HEXB: variants seen among roughly 807,000 people sequenced by gnomAD.
HEXB encodes the protein beta-hexosaminidase subunit beta.
A neutral mutation model predicts 71.2 loss-of-function variants in HEXB; 51 were observed. The observed-to-expected ratio is 0.72, with a 90% CI of 0.57 to 0.90. The LOEUF (loss-of-function observed/expected upper bound fraction) is 0.90, where lower values mean the gene tolerates loss of function less well. Ranked by LOEUF, HEXB falls within the 40% of genes least tolerant of loss-of-function variation. The pLI is 0.00. For missense variants in HEXB, 617 were observed against 677.0 expected (o/e 0.91, Z 0.98); for synonymous variants, 266 against 249.3 (o/e 1.07, Z -0.63).
Position 74,693,679 on chromosome 5 carries a change from C to A in HEXB, c.486C>A (p.Ala162=), listed in dbSNP as rs1342668095. 5.6e-6 allele frequency: 9 copies of A among 1,612,964 alleles called. No individual in the cohort carries two copies. The highest frequency in any genetic ancestry group is 3.3e-4 in the Middle Eastern group (2 of 6,084). Residue 162 remains alanine, a synonymous_variant, in exon 3 of 14, where the codon GCC becomes GCA. Coordinates refer to ENST00000261416, the MANE Select transcript of HEXB (RefSeq NM_000521.4). The stretch of plus-strand genomic sequence containing the variant: ...AAGAACCAGTGGCTGTCCTTAAGGC[C>A]AACAGAGTTTGGGGAGCATTACGAG... ...LVKEPVAVLK[A]NRVWGALRGL... is the part of the protein sequence containing the mutation.
intron 1 of HEXB, among the ~76,000 whole-genome samples, chr5:74,645,653 C>T (rs1747988975): frequency 6.6e-6 from 1 of 152,098 alleles, no homozygotes; most frequent in Non-Finnish European, 1.5e-5. Context: ...TGGAGAGAGA[C>T]ATATTTGAGT....
At chr5:74,689,933 TGGC>T in intron 2 of HEXB, 1 of 190,370 alleles carries the variant, frequency 5.3e-6, no homozygotes, top group Non-Finnish European at 1.1e-5. Flanking sequence ...TCATTTTCAA[TGGC>T]TGAATAATGT....
At chr5:74,685,201 C>A (rs1748828056), upstream of HEXB, 2 of 1,435,744 alleles carry the variant, frequency 1.4e-6, no homozygotes, top group East Asian at 2.8e-5. Flanking sequence ...CCGGGCCGGG[C>A]GGGAAGTCGG....
Position 74,716,573 on chromosome 5 carries a change from A to G in HEXB, c.1083-14A>G. ...TCAAACTTCTAATGAAATTTTAATC[A>G]CTTTTTGCTTCAGGGAATCAAATCC... is the stretch of plus-strand genomic sequence containing the variant. On this transcript the variant is annotated splice_polypyrimidine_tract_variant and intron_variant, in intron 8 of 13. Coordinates refer to ENST00000261416, the MANE Select transcript of HEXB (RefSeq NM_000521.4). 6.5e-7 allele frequency: 1 copy of G among 1,543,376 alleles called. No individual in the cohort carries two copies. The highest frequency in any genetic ancestry group is 8.9e-7 in the Non-Finnish European group (1 of 1,118,872).
Position 74,685,449 on chromosome 5 carries a change from G to A in HEXB, c.189G>A (p.Val63=), listed in dbSNP as rs145144279. The A allele has an allele frequency of 5.6e-6, 9 of 1,611,678 alleles. No individual in the cohort carries two copies. The highest frequency in any genetic ancestry group is 7.6e-6 in the Non-Finnish European group (9 of 1,179,358). ...GPALWPLPLL[V]KMTPNLLHLA... ...CGCTGTGGCCCCTGCCGCTCTTGGT[G>A]AAGATGACCCCGAACCTGCTGCATC... is the stretch of plus-strand genomic sequence containing the variant. Residue 63 remains valine, a synonymous_variant, in exon 1 of 14, where the codon GTG becomes GTA. Transcript: ENST00000261416.
At chr5:74,709,847 C>T (rs373407277) in intron 6 of HEXB, among the ~76,000 whole-genome samples, 4 of 152,250 alleles carry the variant, frequency 2.6e-5, no homozygotes, top group Admixed American at 1.3e-4. Flanking sequence ...CAGCCGAATT[C>T]TACCAGAGGT....
At chr5:74,684,009 C>G (rs762424939), upstream of HEXB, among the ~76,000 whole-genome samples, 1 of 151,228 alleles carries the variant, frequency 6.6e-6, no homozygotes, top group African/African-American at 2.4e-5. Flanking sequence ...TTAATAGAGA[C>G]GGGGTTTCAC....
At chr5:74,643,140 G>A (rs1747937680) in intron 1 of HEXB, among the ~76,000 whole-genome samples, 1 of 152,184 alleles carries the variant, frequency 6.6e-6, no homozygotes, top group Admixed American at 6.5e-5. Flanking sequence ...CCTACAAACT[G>A]TACTCTGGTT....
At chr5:74,713,361 G>A (rs1749595777) in intron 6 of HEXB, 145 bp from the exon 7 acceptor site, 1 of 743,530 alleles carries the variant, frequency 1.3e-6, no homozygotes, top group African/African-American at 1.8e-5. Flanking sequence ...ATTTTTAAAT[G>A]AGTCATCTAA....
At chr5:74,709,012 C>G (rs1028267181) in intron 6 of HEXB, among the ~76,000 whole-genome samples, 2 of 152,130 alleles carry the variant, frequency 1.3e-5, no homozygotes, top group African/African-American at 4.8e-5. Context: ...CCACACCACA[C>G]CTATTCCAAA....
intron 1 of HEXB, among the ~76,000 whole-genome samples, chr5:74,668,308 A>G (rs1748473583): frequency 6.9e-6 from 1 of 144,728 alleles, no homozygotes; most frequent in South Asian, 2.2e-4. Context: ...TTCTCTTTTC[A>G]GTTCTGTTTT....
intron 1 of HEXB, among the ~76,000 whole-genome samples, chr5:74,657,297 C>A (rs1424981417): frequency 6.6e-6 from 1 of 152,202 alleles, no homozygotes; most frequent in East Asian, 1.9e-4. Context: ...CAGATACCCA[C>A]CACTCTCCAG....
At chr5:74,655,025 C>T (rs536939509) in intron 1 of HEXB, among the ~76,000 whole-genome samples, 2 of 152,232 alleles carry the variant, frequency 1.3e-5, no homozygotes, top group African/African-American at 4.8e-5. Context: ...ATCCCACAGG[C>T]ACAGGAGCAG....
In HEXB at chr5:74,698,432, G is replaced by A. The variant is rs550816873; in HGVS notation, c.669+1326G>A. On this transcript the variant is annotated intron_variant, in intron 5 of 13. Coordinates refer to ENST00000261416, the MANE Select transcript of HEXB (RefSeq NM_000521.4). ...TTTTTAGTTGAAGTCTTGCTCTGTC[G>A]CCAGGCTGGAGGGCAGTGGTGCAAT... 1.5e-4 allele frequency among the ~76,000 whole-genome samples: 21 copies of A among 143,078 alleles called. No individual in the cohort carries two copies. In the South Asian group the frequency reaches 2.4e-3, roughly 17 times the overall value. 93.9% of individuals were successfully genotyped at this position (143,078 alleles called of 152,430 possible).
At chr5:74,694,096 C>A (rs1046202140) in intron 3 of HEXB, among the ~76,000 whole-genome samples, 2 of 152,074 alleles carry the variant, frequency 1.3e-5, no homozygotes, top group Admixed American at 6.6e-5. Context: ...GACGTTGAGG[C>A]TGCAGCGAGC....
At chr5:74,678,464 GT>G (rs1258705104) in intron 1 of HEXB, among the ~76,000 whole-genome samples, 1 of 151,730 alleles carries the variant, frequency 6.6e-6, no homozygotes, top group Non-Finnish European at 1.5e-5. Flanking sequence ...TATACAACAT[GT>G]TTTAAATCAG....
intron 1 of HEXB, among the ~76,000 whole-genome samples, chr5:74,658,319 A>C (rs1748256271): frequency 6.6e-6 from 1 of 152,218 alleles, no homozygotes; most frequent in Non-Finnish European, 1.5e-5. Flanking sequence ...ACCACCACAG[A>C]TGTCAATAAT....
At chr5:74,643,957 C>G (rs1301831157) in intron 1 of HEXB, among the ~76,000 whole-genome samples, 1 of 152,160 alleles carries the variant, frequency 6.6e-6, no homozygotes, top group Non-Finnish European at 1.5e-5. Context: ...TTTCCTTCCC[C>G]GAGTTATTTG....
Position 74,644,082 on chromosome 5 carries a change from C to T in HEXB, c.-377+3524C>T, listed in dbSNP as rs149128805. Among the ~76,000 whole-genome samples, 28 of 152,300 alleles carry T rather than the reference C, an allele frequency of 1.8e-4. No individual in the cohort carries two copies. The East Asian group carries it at 4.8e-3, about 26-fold the overall frequency. ...TCAAGTTCGTGTTGGGAAGTGGACG[C>T]CCAGTCAGGGACCACACCTCCCAGT... On this transcript the variant is annotated intron_variant, in intron 1 of 13. Coordinates refer to the HEXB transcript ENST00000511181.
Sources: gnomAD v4.1 joint callset for allele counts (sites outside exome capture counted in the v4.1 genomes callset) on GRCh38, gnomAD v4.1.1 for gene constraint, MANE v1.5 for transcripts, NCBI Gene and HGNC (gene_info 2026-07-23, HGNC 2026-07-21) for gene names.